Variants in PC observed in about 807,000 individuals in gnomAD.
The protein encoded by PC is pyruvate carboxylase.
PC carries 46 observed loss-of-function variants against 107.8 expected under a neutral mutation model. The observed-to-expected ratio is 0.43, with a 90% CI of 0.34 to 0.55. The LOEUF is 0.55. Among genes scored for constraint, PC ranks in the 20% least tolerant of loss-of-function variants. The probability of loss-of-function intolerance (pLI) is 0.04; values close to 1 mark genes in which losing one functional copy is unlikely to be tolerated. For synonymous variants in PC, 662 were observed against 684.7 expected (o/e 0.97, Z 0.52); for missense variants, 1,241 against 1,643.1 (o/e 0.76, Z 4.23).
chr11:66,957,272 GGA>G (rs928731043), intron 1 of PC, among the ~76,000 whole-genome samples: 3 of 152,200 alleles, frequency 2.0e-5, no homozygotes, highest in Non-Finnish European at 2.9e-5. Flanking sequence ...TTTCTCAGCT[GGA>G]GAACGGGTAA....
intron 3 of PC, among the ~76,000 whole-genome samples, chr11:66,923,884 C>CAAA (rs71045969): frequency 9.9e-5 from 11 of 111,006 alleles, no homozygotes; most frequent in South Asian, 6.3e-4. Flanking sequence ...GACCTCAAGG[C>CAAA]AAAAAAAAAA....
rs751826324 is a variant in PC, at chr11:66,860,429, C to G, written c.1368+3345G>C. On this transcript the variant is annotated intron_variant, in intron 12 of 22. Coordinates refer to ENST00000393960, the MANE Select transcript of PC (RefSeq NM_001040716.2). Reference sequence around the variant, plus strand: ...CCGAGGCAGGGGCTGCAGCCACCCACTGGGAGTCTTGTTTTTATTTATAAT... The same window carrying G: ...CCGAGGCAGGGGCTGCAGCCACCCAGTGGGAGTCTTGTTTTTATTTATAAT... The G allele has an allele frequency of 5.7e-5, 40 of 707,644 alleles. No homozygotes were observed. In the South Asian group the frequency reaches 5.8e-4, roughly 10 times the overall value. 43.8% of individuals were successfully genotyped at this position (707,644 alleles called of 1,614,324 possible).
In PC at chr11:66,900,331, C is replaced by T. The variant is rs60378789; in HGVS notation, c.1-28172G>A. Among the ~76,000 whole-genome samples the T allele has an allele frequency of 9.7e-4, 147 of 152,146 alleles. 1 individual carries two copies. The highest frequency in any genetic ancestry group is 3.5e-3 in the African/African-American group (144 of 41,486). ...CTGGGACTACAGGCGCCCACCACCACGCCCGACTAATTTTTTTGTATTTTT... is the reference window on the plus strand; with the variant it reads ...CTGGGACTACAGGCGCCCACCACCATGCCCGACTAATTTTTTTGTATTTTT... On this transcript the variant is annotated intron_variant, in intron 3 of 22. Transcript: ENST00000393960.
In PC at chr11:66,848,709, T is replaced by C; in HGVS notation, c.*190A>G. ...CAAGAGATGAACATGTAAGCAGCTG[T>C]CCGCCGGAGGAAAGGACGATGGCTG... On this transcript the variant is annotated 3_prime_UTR_variant, in exon 23 of 23. Coordinates refer to ENST00000393960, the MANE Select transcript of PC (RefSeq NM_001040716.2). 2 of 680,288 alleles carry C rather than the reference T, an allele frequency of 2.9e-6. No homozygotes were observed. The highest frequency in any genetic ancestry group is 2.7e-5 in the East Asian group (1 of 36,950). 42.1% of individuals were successfully genotyped at this position (680,288 alleles called of 1,614,324 possible). A position where few individuals can be genotyped will look rare whatever the true frequency, so the allele number is the denominator to read the frequency against.
intron 11 of PC, 73 bp from the exon 12 acceptor site, chr11:66,864,029 G>A: frequency 1.4e-5 from 21 of 1,463,626 alleles, no homozygotes; most frequent in Non-Finnish European, 2.0e-5. Flanking sequence ...CCCCGAGGCT[G>A]GCCAGGTGTG....
At chr11:66,906,245 C>G (rs1282377729) in intron 3 of PC, among the ~76,000 whole-genome samples, 2 of 152,190 alleles carry the variant, frequency 1.3e-5, no homozygotes, top group Non-Finnish European at 2.9e-5. Context: ...CGAGCCTTTA[C>G]AACATGCCAG....
intron 3 of PC, among the ~76,000 whole-genome samples, chr11:66,881,288 G>C (rs1947180670): frequency 6.6e-6 from 1 of 152,216 alleles, no homozygotes; most frequent in African/African-American, 2.4e-5. Flanking sequence ...TTGTGCATAA[G>C]AGACCAAGAA....
intron 10 of PC, among the ~76,000 whole-genome samples, chr11:66,868,119 C>T (rs1470963959): frequency 1.3e-5 from 2 of 152,234 alleles, no homozygotes; most frequent in Non-Finnish European, 2.9e-5. Context: ...AGGGCTGTTC[C>T]GAGGGATGCT....
intron 3 of PC, among the ~76,000 whole-genome samples, chr11:66,928,081 C>T (rs537276064): frequency 3.8e-4 from 58 of 152,146 alleles, no homozygotes; most frequent in African/African-American, 1.3e-3. Flanking sequence ...CAGGGTCTAC[C>T]ACCTTCAGAA....
chr11:66,904,978 A>G (rs192030523), intron 3 of PC, among the ~76,000 whole-genome samples: 130 of 152,334 alleles, frequency 8.5e-4, no homozygotes, highest in South Asian at 1.7e-3. Context: ...GAAACTTCAA[A>G]TTGGCTCTTC....
chr11:66,937,784 T>TC (rs1565298828), intron 3 of PC, among the ~76,000 whole-genome samples: 1 of 151,446 alleles, frequency 6.6e-6, no homozygotes, highest in East Asian at 1.9e-4. Flanking sequence ...TTTTTTGTTT[T>TC]TTTTTTTTTT....
intron 3 of PC, among the ~76,000 whole-genome samples, chr11:66,941,168 C>T (rs775385282): frequency 2.0e-5 from 3 of 151,682 alleles, no homozygotes; most frequent in Non-Finnish European, 4.4e-5. Flanking sequence ...ACCTCATACC[C>T]ATTGGGATGG....
Position 66,871,000 on chromosome 11 carries a change from C to G in PC, c.633+52G>C, listed in dbSNP as rs1946707638. ...GATCCCTTGAGTGGTCCGCCCCTGC[C>G]CCCACGGCAGGCTGCCCTGCCCTGC... On this transcript the variant is annotated intron_variant, in intron 7 of 22. Transcript: ENST00000393960. This position sits in a 1 kb window ranked among gnomAD's most constrained non-coding sequence, Gnocchi z 6.1. 1.9e-6 allele frequency: 3 copies of G among 1,612,306 alleles called. No homozygotes were observed. Among genetic ancestry groups the G allele is most frequent in the African/African-American group, 2.7e-5 (2 of 74,894 alleles).
chr11:66,859,487 A>T (rs1565227736), intron 12 of PC: 4 of 1,446,218 alleles, frequency 2.8e-6, no homozygotes, highest in Non-Finnish European at 3.7e-6. Context: ...TCCTGGCCAC[A>T]CTCTCCAGCC....
At chr11:66,853,842 T>C (rs533928289) in intron 12 of PC, among the ~76,000 whole-genome samples, 2 of 152,350 alleles carry the variant, frequency 1.3e-5, no homozygotes, top group Admixed American at 6.5e-5. Flanking sequence ...CCAAGCCATC[T>C]TGCTCTCCTG....
intron 12 of PC, chr11:66,860,064 TGCTACGGTTATGCCAGGC>T: frequency 6.4e-7 from 1 of 1,565,106 alleles, no homozygotes; most frequent in Non-Finnish European, 8.7e-7. Context: ...AGATGCCGGG[TGCTACGGTTATGCCAGGC>T]GCCTGGGAGG....
At chr11:66,945,447 C>A (rs2136142161) in intron 3 of PC, among the ~76,000 whole-genome samples, 2 of 100,686 alleles carry the variant, frequency 2.0e-5, no homozygotes, top group South Asian at 3.0e-4. Flanking sequence ...TGCAGAGTTA[C>A]ATGAGATGAG....
At chr11:66,864,709 G>A (rs187540973) in intron 11 of PC, among the ~76,000 whole-genome samples, 212 of 152,326 alleles carry the variant, frequency 1.4e-3, no homozygotes, top group African/African-American at 4.9e-3. Flanking sequence ...AGGGCCAGAC[G>A]GCAATGGGAG....
chr11:66,907,038 G>A lies in PC; in HGVS notation c.1-34879C>T, dbSNP rs75922755. On this transcript the variant is annotated intron_variant, in intron 3 of 22. Coordinates refer to ENST00000393960, the MANE Select transcript of PC (RefSeq NM_001040716.2). The stretch of plus-strand genomic sequence containing the variant: ...CATTTTGTGAAGGACTGAGCCGGCT[G>A]GGGAGCTGGAGCACAGCACACGAAG... Among the ~76,000 whole-genome samples, 36 of 152,316 alleles carry A rather than the reference G, an allele frequency of 2.4e-4. No homozygotes were observed. In the East Asian group the frequency reaches 6.0e-3, roughly 25 times the overall value.
Sources: gnomAD v4.1 joint callset for allele counts (sites outside exome capture counted in the v4.1 genomes callset) on GRCh38, gnomAD v4.1.1 for gene constraint, Gnocchi (gnomAD v3.1) non-coding constraint, MANE v1.5 for transcripts, NCBI Gene and HGNC (gene_info 2026-07-23, HGNC 2026-07-21) for gene names.